The following PNPLA6 variants were observed in gnomAD, a reference collection of about 807,000 sequenced individuals.
PNPLA6 encodes patatin like domain 6, lysophospholipase.
PNPLA6 carries 105 observed loss-of-function variants against 153.7 expected under a neutral mutation model. The ratio of observed to expected loss-of-function variants is 0.68; its 90% CI spans 0.58 to 0.80. The LOEUF is 0.80. Among genes scored for constraint, PNPLA6 ranks in the 30% least tolerant of loss-of-function variants. The pLI is 0.00. For missense variants in PNPLA6, 1,423 were observed against 1,919.3 expected (o/e 0.74, Z 4.83); for synonymous variants, 825 against 822.2 (o/e 1.00, Z -0.06).
chr19:7,549,515 GTC>G (rs1350260199), intron 13 of PNPLA6, among the ~76,000 whole-genome samples: 1 of 114,436 alleles, frequency 8.7e-6, no homozygotes, highest in Non-Finnish European at 1.8e-5. Context: ...TAAAGACAGT[GTC>G]TCACTCTGTC....
intron 26 of PNPLA6, 54 bp from the exon 27 acceptor site, chr19:7,557,114 C>A: frequency 7.4e-7 from 1 of 1,359,574 alleles, no homozygotes; most frequent in Non-Finnish European, 1.0e-6. Flanking sequence ...GCTGGGCCTC[C>A]GGCGTGTCTG....
intron 18 of PNPLA6, 49 bp downstream of exon 18, chr19:7,551,486 C>T (rs777496649): frequency 2.8e-5 from 42 of 1,473,912 alleles, no homozygotes; most frequent in Non-Finnish European, 3.7e-5. Context: ...GTCCGGCGTC[C>T]AGAGCATGCT....
intron 18 of PNPLA6, among the ~76,000 whole-genome samples, chr19:7,552,703 C>G (rs1193467196): frequency 6.9e-6 from 1 of 144,784 alleles, no homozygotes; most frequent in Non-Finnish European, 1.5e-5. Context: ...TGCAGTGAGC[C>G]GAGCCTACGC....
intron 13 of PNPLA6, among the ~76,000 whole-genome samples, chr19:7,547,811 A>ATTTTTTTTTT (rs71286227): frequency 3.5e-5 from 4 of 114,504 alleles, no homozygotes; most frequent in East Asian, 2.9e-4. Flanking sequence ...CTAATTAAAA[A>ATTTTTTTTTT]TTTTTTTTTT....
In PNPLA6 at chr19:7,540,352, G is replaced by A. The variant is rs2146051528; in HGVS notation, c.714+44G>A. The stretch of plus-strand genomic sequence containing the variant: ...GGGCTGCTGCAGGAGGATGGGTGGT[G>A]GGGATGGGCAGCAGGCATTGGTCTG... On this transcript the variant is annotated intron_variant, in intron 5 of 31. Transcript: ENST00000600737. This position sits in a 1 kb window ranked among gnomAD's most constrained non-coding sequence, Gnocchi z 6.8. 6.4e-7 allele frequency: 1 copy of A among 1,574,636 alleles called. No individual in the cohort carries two copies.
In PNPLA6 at chr19:7,536,171, C is replaced by G. The variant is rs756140943; in HGVS notation, c.233-20C>G. On this transcript the variant is annotated intron_variant, in intron 1 of 31. Transcript: ENST00000600737. ...AGTCTGCACAGAGCTCGGAGTGCCCCTGTCCCCACCTATCCCCAGAAACCC... is the reference window on the plus strand; with the variant it reads ...AGTCTGCACAGAGCTCGGAGTGCCCGTGTCCCCACCTATCCCCAGAAACCC... 2 of 1,568,802 alleles carry G rather than the reference C, an allele frequency of 1.3e-6. No individual in the cohort carries two copies. Among genetic ancestry groups the G allele is most frequent in the East Asian group, 4.5e-5 (2 of 44,700 alleles).
chr19:7,560,330 G>A (rs1210177621), intron 28 of PNPLA6, among the ~76,000 whole-genome samples: 3 of 152,056 alleles, frequency 2.0e-5, no homozygotes, highest in Non-Finnish European at 4.4e-5. Context: ...TGGGGATGGC[G>A]ACATCCACAG....
chr19:7,553,100 T>TGTTAGATTGGGGAGGAA (rs1422601505), intron 18 of PNPLA6, among the ~76,000 whole-genome samples: 1 of 152,028 alleles, frequency 6.6e-6, no homozygotes, highest in East Asian at 1.9e-4. Flanking sequence ...AGATTGTTAT[T>TGTTAGATTGGGGAGGAA]GTTAGATTGG....
rs774773411 is a variant in PNPLA6 at position 7,560,772 on chromosome 19, T to G, written c.3816+8T>G. The G allele has an allele frequency of 2.6e-6, 4 of 1,551,582 alleles. No individual in the cohort carries two copies. The African/African-American group carries it at 5.4e-5, about 21-fold the overall frequency. ...GAGAGCCGCCGTGCAGACGTAAGCCTGTGATGCCCCCAGGGCCACTCTGAC... is the reference window on the plus strand; with the variant it reads ...GAGAGCCGCCGTGCAGACGTAAGCCGGTGATGCCCCCAGGGCCACTCTGAC... On this transcript the variant is annotated splice_region_variant and intron_variant, in intron 29 of 31. Coordinates refer to ENST00000600737, the MANE Select transcript of PNPLA6 (RefSeq NM_001166114.2).
Position 7,540,656 on chromosome 19 carries a change from A to G in PNPLA6, c.741A>G (p.Glu247=), listed in dbSNP as rs773587782. Residue 247 remains glutamate, a synonymous_variant, in exon 6 of 32, where the codon GAA becomes GAG. Transcript: ENST00000600737. This position sits in a 1 kb window ranked among gnomAD's most constrained non-coding sequence, Gnocchi z 6.8. ...ACGGGAAGGAGTGTGTGGTGAAGGA[A>G]GTGGTTCCTGGGGACAGCGTCAACA... is the stretch of plus-strand genomic sequence containing the variant. The part of the protein sequence containing the change: ...GPDGKECVVK[E]VVPGDSVNSL... The G allele has an allele frequency of 3.0e-5, 49 of 1,613,566 alleles. No individual in the cohort carries two copies. The Admixed American group carries it at 5.7e-4, about 19-fold the overall frequency.
At chr19:7,551,491 C>A in intron 18 of PNPLA6, 54 bp downstream of exon 18, 3 of 1,441,878 alleles carry the variant, frequency 2.1e-6, no homozygotes, top group Non-Finnish European at 2.9e-6. Context: ...GCGTCCAGAG[C>A]ATGCTGGGAG....
intron 13 of PNPLA6, chr19:7,549,623 G>A (rs2023555555): frequency 2.1e-6 from 1 of 477,124 alleles, no homozygotes; most frequent in African/African-American, 2.0e-5. Flanking sequence ...TGAGTAGCTG[G>A]AATTACAGAC....
Position 7,540,639 on chromosome 19 carries a change from G to A in PNPLA6, c.724G>A (p.Glu242Lys). 1 of 1,613,614 alleles carries A rather than the reference G, an allele frequency of 6.2e-7. No homozygotes were observed. Among genetic ancestry groups the A allele is most frequent in the Non-Finnish European group, 8.5e-7 (1 of 1,179,516 alleles). Residue 242 changes from glutamate to lysine, a missense_variant, in exon 6 of 32, where the codon GAG (glutamate) becomes AAG (lysine). By Grantham distance (56) the Glu-to-Lys change is moderately conservative (BLOSUM62 1). This residue lies in a region of PNPLA6 where 118 missense variants were observed against 158.8 expected (regional missense o/e 0.74). Coordinates refer to ENST00000600737, the MANE Select transcript of PNPLA6 (RefSeq NM_001166114.2). The surrounding 1 kb of genome is among the most constrained non-coding windows in gnomAD (Gnocchi z 6.8). The stretch of plus-strand genomic sequence containing the variant: ...GTCTCCTGTGTCTCAGGACGGGAAG[G>A]AGTGTGTGGTGAAGGAAGTGGTTCC... ...ELCLPGPDGK[E>K]CVVKEVVPGD...
At chr19:7,548,704 CATATATAT>C (rs57331367) in intron 13 of PNPLA6, among the ~76,000 whole-genome samples, 2 of 149,914 alleles carry the variant, frequency 1.3e-5, no homozygotes, top group Non-Finnish European at 1.5e-5. Flanking sequence ...GTATATGGAA[CATATATAT>C]ATATATACAC....
intron 26 of PNPLA6, 88 bp downstream of exon 26, chr19:7,556,812 C>A: frequency 1.0e-6 from 1 of 979,796 alleles, no homozygotes; most frequent in Non-Finnish European, 1.7e-6. Context: ...GCTTCTGGGA[C>A]GTTGTTAACA....
At chr19:7,558,170 G>A (rs1379388342) in intron 27 of PNPLA6, among the ~76,000 whole-genome samples, 1 of 152,238 alleles carries the variant, frequency 6.6e-6, no homozygotes, top group Non-Finnish European at 1.5e-5. Flanking sequence ...CTTTATGGGT[G>A]CAGGTGAGAA....
chr19:7,542,293 G>A (rs1043098620), intron 10 of PNPLA6, among the ~76,000 whole-genome samples: 7 of 152,172 alleles, frequency 4.6e-5, no homozygotes, highest in African/African-American at 1.4e-4. Context: ...TACAGCAGTG[G>A]CCCATGGCAC....
At position 7,535,767 on chromosome 19, in the gene PNPLA6, G is replaced by A. The variant is rs1043104454; in HGVS notation, c.-22G>A. ...GAAGAGTCGCGCCCCCGGGGAGGGA[G>A]CAGCACTGGCCCATTCTGCAGATGG... On this transcript the variant is annotated 5_prime_UTR_variant, in exon 1 of 32. Transcript: ENST00000600737. This position sits in a 1 kb window ranked among gnomAD's most constrained non-coding sequence, Gnocchi z 5.0. 2 of 1,528,570 alleles carry A rather than the reference G, an allele frequency of 1.3e-6. No homozygotes were observed. Among genetic ancestry groups the A allele is most frequent in the African/African-American group, 2.7e-5 (2 of 72,914 alleles). 94.7% of individuals were successfully genotyped at this position (1,528,570 alleles called of 1,614,324 possible).
chr19:7,554,194 C>A lies in PNPLA6; in HGVS notation c.2402-15C>A. ...GGACCATGGTTCCCAGCCTCCCTTC[C>A]CCACCTACCCCTAGGTCCGACGCTA... is the stretch of plus-strand genomic sequence containing the variant. On this transcript the variant is annotated splice_polypyrimidine_tract_variant and intron_variant, in intron 19 of 31. Transcript: ENST00000600737. The A allele has an allele frequency of 3.1e-6, 5 of 1,613,456 alleles. No individual in the cohort carries two copies. Among genetic ancestry groups the A allele is most frequent in the Non-Finnish European group, 4.2e-6 (5 of 1,179,386 alleles).
Sources: gnomAD v4.1 joint callset for allele counts (sites outside exome capture counted in the v4.1 genomes callset) on GRCh38, gnomAD v4.1.1 for gene constraint, gnomAD v4.1.1 regional missense constraint, Gnocchi (gnomAD v3.1) non-coding constraint, MANE v1.5 for transcripts, NCBI Gene and HGNC (gene_info 2026-07-23, HGNC 2026-07-21) for gene names.